The following STXBP5L variants were observed in gnomAD, a reference collection of about 807,000 sequenced individuals.
STXBP5L encodes syntaxin-binding protein 5-like.
A neutral mutation model predicts 144.5 loss-of-function variants in STXBP5L; 65 were observed. That is an observed-to-expected ratio of 0.45 (90% CI 0.37 to 0.55). The LOEUF is 0.55. Among genes scored for constraint, STXBP5L ranks in the 20% least tolerant of loss-of-function variants. The pLI, the probability that STXBP5L is intolerant of heterozygous loss-of-function variation, is 0.00. For missense variants in STXBP5L, 1,298 were observed against 1,405.5 expected (o/e 0.92, Z 1.22); for synonymous variants, 505 against 469.6 (o/e 1.08, Z -0.97).
At chr3:121,364,286 A>T (rs1333732443) in intron 20 of STXBP5L, among the ~76,000 whole-genome samples, 1 of 152,116 alleles carries the variant, frequency 6.6e-6, no homozygotes, top group Non-Finnish European at 1.5e-5. Flanking sequence ...TGTTTATGGG[A>T]TCTAGATTCT....
chr3:121,228,792 G>A (rs533844422), intron 11 of STXBP5L, among the ~76,000 whole-genome samples: 9 of 152,252 alleles, frequency 5.9e-5, no homozygotes, highest in African/African-American at 1.9e-4. Context: ...CAGAAGAATC[G>A]CTTGAACCTG....
At chr3:121,342,205 G>A (rs2044739389) in intron 20 of STXBP5L, among the ~76,000 whole-genome samples, 1 of 151,988 alleles carries the variant, frequency 6.6e-6, no homozygotes, top group Admixed American at 6.6e-5. Context: ...GCTGTTCAAG[G>A]ATCAACTGCA....
At chr3:121,280,601 T>G (rs2051026593) in intron 19 of STXBP5L, among the ~76,000 whole-genome samples, 1 of 151,984 alleles carries the variant, frequency 6.6e-6, no homozygotes, top group Non-Finnish European at 1.5e-5. Flanking sequence ...GATATGCCAA[T>G]TATCCAAAGT....
intron 5 of STXBP5L, among the ~76,000 whole-genome samples, chr3:121,060,435 T>G (rs1330330628): frequency 6.6e-6 from 1 of 152,144 alleles, no homozygotes; most frequent in Non-Finnish European, 1.5e-5. Flanking sequence ...GAAATTTTCC[T>G]TGTTTGTTGT....
At chr3:121,225,162 A>C (rs2049083096) in intron 11 of STXBP5L, among the ~76,000 whole-genome samples, 1 of 152,134 alleles carries the variant, frequency 6.6e-6, no homozygotes, top group African/African-American at 2.4e-5. Flanking sequence ...CACCTCAAGC[A>C]GAACCTAGTC....
chr3:121,007,969 C>T (rs1944474111), intron 3 of STXBP5L, among the ~76,000 whole-genome samples: 1 of 151,912 alleles, frequency 6.6e-6, no homozygotes, highest in Non-Finnish European at 1.5e-5. Context: ...AAAAACTATA[C>T]TTTCCTGCTG....
At chr3:121,280,923 A>C (rs1376704034) in intron 19 of STXBP5L, among the ~76,000 whole-genome samples, 1 of 150,932 alleles carries the variant, frequency 6.6e-6, no homozygotes. Flanking sequence ...TAATAATAAT[A>C]ATAATAACTT....
intron 18 of STXBP5L, among the ~76,000 whole-genome samples, chr3:121,270,225 A>G (rs2050695613): frequency 8.0e-6 from 1 of 124,576 alleles, no homozygotes; most frequent in Admixed American, 8.1e-5. Flanking sequence ...TTTCCTAAGA[A>G]GAAGAGCTTT....
At chr3:121,173,148 G>T (rs990449927) in intron 9 of STXBP5L, among the ~76,000 whole-genome samples, 1 of 151,918 alleles carries the variant, frequency 6.6e-6, no homozygotes, top group African/African-American at 2.4e-5. Context: ...GGAAACACAG[G>T]GAGGGGAACA....
chr3:121,416,407 C>T (rs1239258792), intron 25 of STXBP5L, among the ~76,000 whole-genome samples: 2 of 149,772 alleles, frequency 1.3e-5, no homozygotes, highest in Non-Finnish European at 3.0e-5. Context: ...TAAAAATCTA[C>T]CAGTGAGACT....
chr3:121,021,204 A>G (rs1445366136), intron 3 of STXBP5L, among the ~76,000 whole-genome samples: 2 of 152,308 alleles, frequency 1.3e-5, no homozygotes, highest in African/African-American at 2.4e-5. Context: ...GATTAGTCCA[A>G]CAGGAAAATA....
chr3:121,411,191 C>G (rs1160268790), intron 23 of STXBP5L, among the ~76,000 whole-genome samples: 1 of 152,062 alleles, frequency 6.6e-6, no homozygotes, highest in Admixed American at 6.6e-5. Flanking sequence ...TCAGACGAGC[C>G]ACGTATCAAC....
At chr3:121,120,345 G>A (rs2044403695) in intron 6 of STXBP5L, among the ~76,000 whole-genome samples, 10 of 151,036 alleles carry the variant, frequency 6.6e-5, no homozygotes, top group Admixed American at 6.6e-4. Context: ...ATATAAATGT[G>A]GAAAAAATTA....
At chr3:121,389,309 A>G (rs1412435149) in intron 22 of STXBP5L, among the ~76,000 whole-genome samples, 1 of 152,030 alleles carries the variant, frequency 6.6e-6, no homozygotes, top group Non-Finnish European at 1.5e-5. Context: ...TTGTCTATCA[A>G]TTTTGTTGAT....
At chr3:121,087,690 G>A (rs534012358) in intron 5 of STXBP5L, among the ~76,000 whole-genome samples, 2 of 151,792 alleles carry the variant, frequency 1.3e-5, no homozygotes, top group Admixed American at 6.6e-5. Flanking sequence ...TAGGGCTTAG[G>A]TTCTCCATTT....
At chr3:121,344,156 C>A (rs1393322037) in intron 20 of STXBP5L, among the ~76,000 whole-genome samples, 1 of 151,976 alleles carries the variant, frequency 6.6e-6, no homozygotes, top group African/African-American at 2.4e-5. Context: ...GGAAAGGATT[C>A]CGTATTTAAT....
intron 19 of STXBP5L, among the ~76,000 whole-genome samples, chr3:121,317,883 A>C (rs1221605378): frequency 1.3e-5 from 2 of 152,096 alleles, no homozygotes; most frequent in African/African-American, 2.4e-5. Flanking sequence ...CATTTTTATA[A>C]ATAAATATAA....
At chr3:120,961,298 A>C (rs1226087501) in intron 3 of STXBP5L, among the ~76,000 whole-genome samples, 1 of 143,940 alleles carries the variant, frequency 6.9e-6, no homozygotes, top group African/African-American at 2.6e-5. Context: ...ATTATACTTT[A>C]AGTTCTAGGG....
intron 3 of STXBP5L, among the ~76,000 whole-genome samples, chr3:121,017,445 G>A (rs1312166330): frequency 6.6e-6 from 1 of 152,200 alleles, no homozygotes; most frequent in Non-Finnish European, 1.5e-5. Flanking sequence ...CTGTAATACA[G>A]TAAGATCAGA....
Sources: gnomAD v4.1 joint callset for allele counts (sites outside exome capture counted in the v4.1 genomes callset) on GRCh38, gnomAD v4.1.1 for gene constraint, MANE v1.5 for transcripts, NCBI Gene and HGNC (gene_info 2026-07-23, HGNC 2026-07-21) for gene names.